CLCN6: variants seen among roughly 807,000 people sequenced by gnomAD.
The protein encoded by CLCN6 is H(+)/Cl(-) exchange transporter 6.
In CLCN6, 70 loss-of-function variants were observed where a neutral mutation model predicts 109.8. The observed-to-expected ratio is 0.64, with a 90% CI of 0.53 to 0.78. The LOEUF (loss-of-function observed/expected upper bound fraction) is 0.78. CLCN6 is among the 30% of genes least tolerant of loss of function. The probability of loss-of-function intolerance (pLI) is 0.00; values close to 1 mark genes in which losing one functional copy is unlikely to be tolerated. For synonymous variants in CLCN6, 444 were observed against 447.8 expected (o/e 0.99, Z 0.11); for missense variants, 984 against 1,142.3 (o/e 0.86, Z 2.00).
chr1:11,824,656 T>C, intron 8 of CLCN6, 103 bp downstream of exon 8: 2 of 831,270 alleles, frequency 2.4e-6, no homozygotes, highest in East Asian at 2.9e-5. Context: ...CATTGGAACC[T>C]GGTGCCATTC....
Position 11,837,071 on chromosome 1 carries a change from G to A in CLCN6, c.2053G>A (p.Glu685Lys), listed in dbSNP as rs867019079. 8.7e-6 allele frequency: 14 copies of A among 1,613,442 alleles called. 1 individual carries two copies. Among genetic ancestry groups the A allele is most frequent in the South Asian group, 3.3e-5 (3 of 91,084 alleles). Residue 685 changes from glutamate (E) to lysine (K), a missense_variant, in exon 19 of 23, where the codon GAG becomes AAG. Transcript: ENST00000346436. ...SQSMKSYPSS[E>K]LRNMCDEHIA... ...GTCCATGAAGTCCTACCCATCCAGC[G>A]AGCTACGGAACATGTGTGATGAGCA...
At chr1:11,832,454 T>C (rs980019741) in intron 13 of CLCN6, among the ~76,000 whole-genome samples, 3 of 152,270 alleles carry the variant, frequency 2.0e-5, no homozygotes, top group Non-Finnish European at 4.4e-5. Flanking sequence ...GTGTCTATTA[T>C]GAAGCCATCA....
intron 4 of CLCN6, among the ~76,000 whole-genome samples, chr1:11,817,689 G>C (rs1017367816): frequency 1.3e-5 from 2 of 152,218 alleles, no homozygotes; most frequent in Admixed American, 6.5e-5. Context: ...CTCAGTAACA[G>C]CCTGTTGACC....
intron 7 of CLCN6, 132 bp downstream of exon 7, chr1:11,823,965 A>T: frequency 8.8e-7 from 1 of 1,141,456 alleles, no homozygotes; most frequent in Non-Finnish European, 1.2e-6. Flanking sequence ...CTTTTTGTTG[A>T]TGGGCTGTTT....
intron 17 of CLCN6, among the ~76,000 whole-genome samples, chr1:11,835,542 T>G (rs973480359): frequency 6.6e-6 from 1 of 152,206 alleles, no homozygotes; most frequent in African/African-American, 2.4e-5. Context: ...CCCAAAGTGC[T>G]GGGATTACAT....
intron 5 of CLCN6, chr1:11,820,309 T>C (rs1644724796): frequency 2.8e-6 from 2 of 706,644 alleles, no homozygotes; most frequent in Non-Finnish European, 5.3e-6. Flanking sequence ...TGCTGGGACA[T>C]GGGTGATCCA....
rs1285623238 is a variant in CLCN6, at chr1:11,812,113, CA to C, written c.148-3722del. 7.6e-4 allele frequency among the ~76,000 whole-genome samples: 109 copies of C among 143,936 alleles called. 3 individuals carry two copies. The highest frequency in any genetic ancestry group is 3.6e-3 in the Middle Eastern group (1 of 280). The allele number at this position is 143,936 out of a possible 152,430, so 94.4% of individuals were successfully genotyped here. On this transcript the variant is annotated intron_variant, in intron 2 of 22. Coordinates refer to ENST00000346436, the MANE Select transcript of CLCN6 (RefSeq NM_001286.5). ...TGGGTGACAGAGAAAGACCCCATCT[CA>C]AAAAAAAAAAGTAGTAGGTTGTCAC...
intron 12 of CLCN6, 45 bp downstream of exon 12, chr1:11,828,669 G>A (rs1644843553): frequency 3.2e-6 from 5 of 1,557,080 alleles, no homozygotes; most frequent in Non-Finnish European, 4.3e-6. Context: ...GCGGCTCCCT[G>A]AGCTTGGTGT....
intron 3 of CLCN6, 65 bp downstream of exon 3, chr1:11,815,976 T>C (rs1461541884): frequency 1.6e-6 from 2 of 1,212,332 alleles, no homozygotes; most frequent in Non-Finnish European, 2.5e-6. Context: ...TTTTTTCTCT[T>C]CTAAAGGCCC....
chr1:11,842,964 T>G lies in CLCN6; in HGVS notation c.*2741T>G, dbSNP rs539719949. On this transcript the variant is annotated 3_prime_UTR_variant, in exon 23 of 23. Coordinates refer to ENST00000346436, the MANE Select transcript of CLCN6 (RefSeq NM_001286.5). ...CCTTGGCCATTGCCGCAGTCGCAGC[T>G]TCCTTTTTTCTGTTTGCACTGTTTG... 1.3e-5 allele frequency: 2 copies of G among 152,404 alleles called. No homozygotes were observed. Among genetic ancestry groups the G allele is most frequent in the South Asian group, 4.1e-4 (2 of 4,832 alleles). 9.4% of individuals were successfully genotyped at this position (152,404 alleles called of 1,614,324 possible).
chr1:11,815,705 T>C, intron 2 of CLCN6, 141 bp from the exon 3 acceptor site: 1 of 668,088 alleles, frequency 1.5e-6, no homozygotes, highest in Non-Finnish European at 2.7e-6. Flanking sequence ...AGATTCTGCA[T>C]TTTGAACCAG....
intron 5 of CLCN6, among the ~76,000 whole-genome samples, chr1:11,822,362 G>A (rs942098460): frequency 6.6e-6 from 1 of 152,082 alleles, no homozygotes; most frequent in African/African-American, 2.4e-5. Flanking sequence ...AGGCTCAAGC[G>A]ATCCTCCCAC....
Position 11,827,070 on chromosome 1 carries a change from G to GTC in CLCN6, c.708-12_708-11dup. On this transcript the variant is annotated intron_variant, in intron 9 of 22. Transcript: ENST00000346436. Reference sequence around the variant, plus strand: ...CTGGGGGCTCTTTATTGGATAACCCGTCTCTCTCCTCTCCTCAGAGACAAG... The same window carrying GTC: ...CTGGGGGCTCTTTATTGGATAACCCGTCTCTCTCTCCTCTCCTCAGAGACAAG... 1.2e-6 allele frequency: 2 copies of GTC among 1,612,322 alleles called. No homozygotes were observed. Among genetic ancestry groups the GTC allele is most frequent in the Non-Finnish European group, 1.7e-6 (2 of 1,179,350 alleles).
At chr1:11,824,602 G>A in intron 8 of CLCN6, 49 bp downstream of exon 8, 1 of 1,533,576 alleles carries the variant, frequency 6.5e-7, no homozygotes, top group Non-Finnish European at 9.0e-7. Context: ...CTAGTGGGAG[G>A]TCTGGTTACA....
rs759301700 is a variant in CLCN6 at position 11,834,376 on chromosome 1, C to G, written c.1667C>G (p.Pro556Arg). 1 of 1,614,044 alleles carries G rather than the reference C, an allele frequency of 6.2e-7. No homozygotes were observed. Among genetic ancestry groups the G allele is most frequent in the Non-Finnish European group, 8.5e-7 (1 of 1,179,970 alleles). The change falls in exon 16 of 23, where the codon CCC (proline) becomes CGC (arginine). Residue 556 changes from proline to arginine, a missense_variant. Transcript: ENST00000346436. This position sits in a 1 kb window ranked among gnomAD's most constrained non-coding sequence, Gnocchi z 4.5. ...ACCAATGAGATCACCTACGGGCTCC[C>G]CATCATGGTCACACTGATGGTGAGC... is the stretch of plus-strand genomic sequence containing the variant. ...ESTNEITYGL[P>R]IMVTLMVAKW... is the part of the protein sequence containing the mutation.
chr1:11,824,606 G>A (rs1367532961), intron 8 of CLCN6, 53 bp downstream of exon 8: 2 of 1,472,078 alleles, frequency 1.4e-6, no homozygotes, highest in African/African-American at 2.8e-5. Context: ...TGGGAGGTCT[G>A]GTTACACTGG....
chr1:11,837,651 G>A (rs1002635313), intron 20 of CLCN6, 152 bp downstream of exon 20: 10 of 753,250 alleles, frequency 1.3e-5, no homozygotes, highest in African/African-American at 5.3e-5. Context: ...CGCCACAGCC[G>A]GGTGGTGAGA....
intron 2 of CLCN6, among the ~76,000 whole-genome samples, chr1:11,808,006 A>G (rs994485940): frequency 1.3e-4 from 20 of 151,990 alleles, no homozygotes; most frequent in Non-Finnish European, 1.8e-4. Flanking sequence ...CATGCTGTAG[A>G]ATTTAGTGTC....
chr1:11,810,739 A>G (rs373702363), intron 2 of CLCN6, among the ~76,000 whole-genome samples: 2 of 152,250 alleles, frequency 1.3e-5, no homozygotes, highest in East Asian at 3.9e-4. Flanking sequence ...ATTGGTACAT[A>G]TTTACAAAGG....
Sources: allele counts gnomAD v4.1 joint callset (sites outside exome capture counted in the v4.1 genomes callset), GRCh38; gene constraint gnomAD v4.1.1; non-coding constraint Gnocchi (gnomAD v3.1); transcripts MANE v1.5; gene names NCBI Gene and HGNC (gene_info 2026-07-23, HGNC 2026-07-21).